The following ROBO2 variants were observed in gnomAD, a reference collection of about 807,000 sequenced individuals.
ROBO2 encodes roundabout guidance receptor 2, also known as roundabout homolog 2.
ROBO2 carries 53 observed loss-of-function variants against 160.8 expected under a neutral mutation model. The observed-to-expected ratio is 0.33, with a 90% confidence interval of 0.26 to 0.41. The LOEUF (loss-of-function observed/expected upper bound fraction) is 0.41. ROBO2 is among the 10% of genes least tolerant of loss of function. The pLI is 1.00. For missense variants in ROBO2, 1,577 were observed against 1,722.4 expected (o/e 0.92, Z 1.49); for synonymous variants, 664 against 611.7 (o/e 1.09, Z -1.26).
chr3:76,293,356 G>A (rs1233226226), intron 2 of ROBO2, among the ~76,000 whole-genome samples: 4 of 152,146 alleles, frequency 2.6e-5, no homozygotes, highest in East Asian at 1.9e-4. Flanking sequence ...CACAGGCAGG[G>A]GGCCTTTCCC....
intron 2 of ROBO2, among the ~76,000 whole-genome samples, chr3:77,475,915 G>C (rs2083940240): frequency 6.6e-6 from 1 of 152,152 alleles, no homozygotes; most frequent in Non-Finnish European, 1.5e-5. Flanking sequence ...AGTTCACAGA[G>C]CTAAAATGGA....
intron 4 of ROBO2, among the ~76,000 whole-genome samples, chr3:77,485,384 A>G (rs1018591643): frequency 6.6e-6 from 1 of 152,208 alleles, no homozygotes; most frequent in South Asian, 2.1e-4. Flanking sequence ...TGAGAAGTCT[A>G]CTGTGATTCT....
chr3:76,817,798 T>C (rs2065803877), intron 2 of ROBO2, among the ~76,000 whole-genome samples: 1 of 151,466 alleles, frequency 6.6e-6, no homozygotes, highest in Non-Finnish European at 1.5e-5. Context: ...TTATTCTTAA[T>C]GGTTAATGCA....
intron 2 of ROBO2, among the ~76,000 whole-genome samples, chr3:76,943,010 T>G (rs976091678): frequency 6.6e-6 from 1 of 152,208 alleles, no homozygotes; most frequent in African/African-American, 2.4e-5. Flanking sequence ...TCAAAAATAT[T>G]GTGTAGAGAA....
chr3:76,783,356 C>A (rs76670406), intron 2 of ROBO2, among the ~76,000 whole-genome samples: 2 of 150,758 alleles, frequency 1.3e-5, no homozygotes, highest in African/African-American at 4.9e-5. Flanking sequence ...TTCCCTTAAC[C>A]GTTGCATGTT....
At chr3:76,685,517 G>T (rs2092666905) in intron 2 of ROBO2, among the ~76,000 whole-genome samples, 1 of 151,776 alleles carries the variant, frequency 6.6e-6, no homozygotes, top group African/African-American at 2.4e-5. Flanking sequence ...TTTTCCAATG[G>T]AGTTTCAACT....
At chr3:76,228,762 A>C (rs1369935236) in intron 2 of ROBO2, among the ~76,000 whole-genome samples, 4 of 152,334 alleles carry the variant, frequency 2.6e-5, no homozygotes, top group African/African-American at 9.6e-5. Context: ...CACAGATTTT[A>C]CTTCTCAACA....
intron 2 of ROBO2, among the ~76,000 whole-genome samples, chr3:77,419,291 G>T (rs925666192): frequency 6.6e-6 from 1 of 152,014 alleles, no homozygotes; most frequent in Non-Finnish European, 1.5e-5. Flanking sequence ...TAACCGTCAT[G>T]TATTGAACAT....
intron 2 of ROBO2, among the ~76,000 whole-genome samples, chr3:77,166,427 A>C (rs1317263924): frequency 1.3e-5 from 2 of 152,188 alleles, no homozygotes; most frequent in African/African-American, 2.4e-5. Context: ...TGTTTTTGAC[A>C]CAAGATTTAA....
chr3:77,196,325 CTTTTT>C (rs57448784), intron 2 of ROBO2, among the ~76,000 whole-genome samples: 3 of 141,726 alleles, frequency 2.1e-5, no homozygotes, highest in Non-Finnish European at 4.6e-5. Flanking sequence ...AAATACCCTG[CTTTTT>C]TTTTTTTTTT....
intron 1 of ROBO2, among the ~76,000 whole-genome samples, chr3:75,929,627 A>T (rs1434499508): frequency 6.6e-6 from 1 of 151,936 alleles, no homozygotes; most frequent in South Asian, 2.1e-4. Context: ...TTGAAACTCA[A>T]ACCCCTTGGA....
At chr3:76,368,840 G>A (rs1291824449) in intron 2 of ROBO2, among the ~76,000 whole-genome samples, 1 of 151,918 alleles carries the variant, frequency 6.6e-6, no homozygotes, top group East Asian at 1.9e-4. Flanking sequence ...AAGATACCTT[G>A]CGATGTAGAG....
In ROBO2 at chr3:76,475,708, G is replaced by A. The variant is rs1429235205; in HGVS notation, c.109+538106G>A. Among the ~76,000 whole-genome samples the A allele has an allele frequency of 4.6e-5, 7 of 152,268 alleles. No individual in the cohort carries two copies. In the East Asian group the frequency reaches 7.7e-4, roughly 17 times the overall value. On this transcript the variant is annotated intron_variant, in intron 2 of 26. Coordinates refer to the ROBO2 transcript ENST00000487694. The stretch of plus-strand genomic sequence containing the variant: ...TTTGCTGATTTTATTCTAAGAAGAC[G>A]TGAAGTAACCTAAATGAGAAAATTC...
chr3:76,968,921 A>C (rs1333037243), intron 2 of ROBO2, among the ~76,000 whole-genome samples: 2 of 151,298 alleles, frequency 1.3e-5, no homozygotes, highest in Non-Finnish European at 2.9e-5. Context: ...TTAAAAGTTA[A>C]TTTAGTGACA....
At chr3:77,360,623 C>CTT (rs145454749) in intron 2 of ROBO2, among the ~76,000 whole-genome samples, 1 of 143,474 alleles carries the variant, frequency 7.0e-6, no homozygotes, top group Non-Finnish European at 1.5e-5. Context: ...TTCCAGTTGA[C>CTT]TTTTTTTTTT....
At chr3:76,368,192 T>C (rs2075925977) in intron 2 of ROBO2, among the ~76,000 whole-genome samples, 1 of 151,990 alleles carries the variant, frequency 6.6e-6, no homozygotes, top group Non-Finnish European at 1.5e-5. Flanking sequence ...AAATGCTTTC[T>C]GTACCTGTTT....
At chr3:76,212,896 A>C (rs1015250128) in intron 2 of ROBO2, among the ~76,000 whole-genome samples, 2 of 68,152 alleles carry the variant, frequency 2.9e-5, no homozygotes, top group African/African-American at 1.0e-4. Context: ...AGCCTTCCTT[A>C]TATCATGGTG....
chr3:77,496,856 C>T (rs555173472), intron 5 of ROBO2, among the ~76,000 whole-genome samples: 1 of 152,134 alleles, frequency 6.6e-6, no homozygotes, highest in African/African-American at 2.4e-5. Flanking sequence ...AGTATTTTTT[C>T]CCCTTGCCTT....
At chr3:77,165,972 A>C (rs953152636) in intron 2 of ROBO2, among the ~76,000 whole-genome samples, 1 of 152,202 alleles carries the variant, frequency 6.6e-6, no homozygotes, top group South Asian at 2.1e-4. Context: ...GCTGAAGTCT[A>C]TCTCTCTCTG....
Sources: allele counts gnomAD v4.1 joint callset (sites outside exome capture counted in the v4.1 genomes callset), GRCh38; gene constraint gnomAD v4.1.1; transcripts MANE v1.5; gene names NCBI Gene and HGNC (gene_info 2026-07-23, HGNC 2026-07-21).